The following PCYT1B variants were observed in gnomAD, a reference collection of about 807,000 sequenced individuals.
PCYT1B encodes the protein choline-phosphate cytidylyltransferase B.
A neutral mutation model predicts 26.4 loss-of-function variants in PCYT1B; 10 were observed. The ratio of observed to expected loss-of-function variants is 0.38; its 90% CI spans 0.23 to 0.64. The LOEUF is 0.64. Among genes scored for constraint, PCYT1B ranks in the 30% least tolerant of loss-of-function variants. The pLI is 0.56. For synonymous variants in PCYT1B, 131 were observed against 108.4 expected (o/e 1.21, Z -1.29); for missense variants, 161 against 292.7 (o/e 0.55, Z 3.28).
rs1361998710 is a variant in PCYT1B at position 24,647,130 on chromosome X, C to G, written c.-25G>C. 8.3e-7 allele frequency: 1 copy of G among 1,207,971 alleles called. No individual in the cohort carries two copies. Among genetic ancestry groups the G allele is most frequent in the South Asian group, 1.8e-5 (1 of 56,135 alleles). On this transcript the variant is annotated 5_prime_UTR_variant, in exon 1 of 8. Transcript: ENST00000379144. ...TGGCCAGTGAATGCTCCCTCTAGCT[C>G]TACACCCTCAGAGAGTCTCCTCCCA...
chrX:24,576,349 G>GC (rs1924010439), intron 6 of PCYT1B, among the ~76,000 whole-genome samples: 1 of 111,804 alleles, frequency 8.9e-6, no homozygotes, highest in Non-Finnish European at 1.9e-5. Context: ...TGTTGCCCAG[G>GC]CTGGAGTGCA....
intron 1 of PCYT1B, among the ~76,000 whole-genome samples, chrX:24,670,760 AG>A (rs1927239517): frequency 9.0e-6 from 1 of 111,294 alleles, no homozygotes; most frequent in African/African-American, 3.3e-5. Flanking sequence ...GAAAGTACTT[AG>A]CCCGGGACAT....
chrX:24,662,339 T>C (rs1330905057), intron 1 of PCYT1B, among the ~76,000 whole-genome samples: 4 of 112,186 alleles, frequency 3.6e-5, no homozygotes, highest in African/African-American at 9.7e-5. Flanking sequence ...TTTAGCAATG[T>C]CTGGAGACAG....
At chrX:24,619,144 CCTCT>C in intron 1 of PCYT1B, 60 bp from the exon 2 acceptor site, 2 of 818,501 alleles carry the variant, frequency 2.4e-6, no homozygotes, top group Non-Finnish European at 3.7e-6. Context: ...GCACTAACTT[CCTCT>C]GAAGTTTTAT....
chrX:24,575,541 C>T (rs775599765), intron 6 of PCYT1B, among the ~76,000 whole-genome samples: 2 of 112,536 alleles, frequency 1.8e-5, no homozygotes, highest in African/African-American at 6.4e-5. Flanking sequence ...AAGGGAACTA[C>T]AAGTGGTTTT....
chrX:24,562,730 C>CTT (rs61009568), intron 7 of PCYT1B, among the ~76,000 whole-genome samples: 1 of 90,089 alleles, frequency 1.1e-5, no homozygotes, highest in Non-Finnish European at 2.2e-5. Context: ...CTTTTTTTCT[C>CTT]TTTTTTTTTT....
intron 3 of PCYT1B, among the ~76,000 whole-genome samples, chrX:24,604,893 T>C (rs775774807): frequency 5.6e-4 from 63 of 112,084 alleles, no homozygotes; most frequent in African/African-American, 1.9e-3. Flanking sequence ...ACCCATGTAA[T>C]AGCCATTAAG....
At chrX:24,669,755 T>C (rs1315499309) in intron 1 of PCYT1B, among the ~76,000 whole-genome samples, 2 of 109,044 alleles carry the variant, frequency 1.8e-5, no homozygotes, top group Non-Finnish European at 3.8e-5. Context: ...AAAATGGGAA[T>C]ATAGGCTAGG....
intron 1 of PCYT1B, among the ~76,000 whole-genome samples, chrX:24,654,437 A>G (rs1926857591): frequency 9.8e-6 from 1 of 101,653 alleles, no homozygotes; most frequent in African/African-American, 3.6e-5. Context: ...TTTTCTTCTC[A>G]CTGCCCCAGA....
rs1399010690 is a variant in PCYT1B, at chrX:24,619,045, A to G, written c.157T>C (p.Cys53Arg). Reference protein sequence around the residue: ...APAPFADETNCQCQAPHEKLT... With the variant: ...APAPFADETNRQCQAPHEKLT... ...TTTTCATGGGGTGCTTGACACTGGC[A>G]GTTGGTTTCATCAGCAAATGGGGCA... Residue 53 changes from cysteine to arginine, a missense_variant, in exon 2 of 8, where the codon TGC becomes CGC. Transcript: ENST00000379144. 1 of 1,192,877 alleles carries G rather than the reference A, an allele frequency of 8.4e-7. No homozygotes were observed. Among genetic ancestry groups the G allele is most frequent in the East Asian group, 3.0e-5 (1 of 33,563 alleles).
intron 6 of PCYT1B, among the ~76,000 whole-genome samples, chrX:24,577,836 G>A (rs922899413): frequency 7.2e-5 from 8 of 111,513 alleles, no homozygotes; most frequent in Non-Finnish European, 1.5e-4. Flanking sequence ...CAAAGATATC[G>A]GCACCTCACA....
At chrX:24,599,507 C>T (rs1924892262) in intron 3 of PCYT1B, among the ~76,000 whole-genome samples, 2 of 111,910 alleles carry the variant, frequency 1.8e-5, no homozygotes, top group South Asian at 7.4e-4. Context: ...TCCATAAGTA[C>T]ATCTCCAGGT....
intron 1 of PCYT1B, among the ~76,000 whole-genome samples, chrX:24,639,556 C>T (rs1926399914): frequency 9.0e-6 from 1 of 111,517 alleles, no homozygotes; most frequent in Non-Finnish European, 1.9e-5. Flanking sequence ...CTTCTCCCTA[C>T]CCACAGCCTG....
At chrX:24,567,701 A>G (rs1923678313) in intron 7 of PCYT1B, among the ~76,000 whole-genome samples, 1 of 112,006 alleles carries the variant, frequency 8.9e-6, no homozygotes, top group Non-Finnish European at 1.9e-5. Flanking sequence ...CTGTTATTCC[A>G]GCACTTTAGG....
rs1318599667 is a variant in PCYT1B at position 24,559,208 on chromosome X, T to G, written c.*3085A>C. ...GGCAGGCACCTGTAATCCCAGCTAC[T>G]TGGGAGGCTGAGGCAGAAGAACCCC... On this transcript the variant is annotated 3_prime_UTR_variant, in exon 8 of 8. Coordinates refer to ENST00000379144, the MANE Select transcript of PCYT1B (RefSeq NM_004845.5). 9.2e-6 allele frequency: 1 copy of G among 108,164 alleles called. No homozygotes were observed. Among genetic ancestry groups the G allele is most frequent in the Admixed American group, 9.9e-5 (1 of 10,123 alleles). The allele number at this position is 108,164 out of a possible 1,213,427, so 8.9% of individuals were successfully genotyped here.
intron 5 of PCYT1B, among the ~76,000 whole-genome samples, 153 bp from the exon 6 acceptor site, chrX:24,579,611 C>T (rs770282874): frequency 9.0e-6 from 1 of 111,081 alleles, no homozygotes; most frequent in East Asian, 2.8e-4. Flanking sequence ...CTTCCACCCT[C>T]AGTTCCGTGG....
intron 1 of PCYT1B, among the ~76,000 whole-genome samples, chrX:24,653,910 A>G (rs1335487210): frequency 9.4e-6 from 1 of 106,898 alleles, no homozygotes; most frequent in Non-Finnish European, 1.9e-5. Flanking sequence ...ACACACCACC[A>G]CACCCAGCCA....
At chrX:24,586,955 T>A (rs372580705) in intron 5 of PCYT1B, among the ~76,000 whole-genome samples, 1 of 112,023 alleles carries the variant, frequency 8.9e-6, no homozygotes, top group Non-Finnish European at 1.9e-5. Flanking sequence ...ATTTAAGTAA[T>A]GGGGTCCTGC....
In PCYT1B at chrX:24,562,008, C is replaced by T. The variant is rs752077491; in HGVS notation, c.*285G>A. On this transcript the variant is annotated 3_prime_UTR_variant, in exon 8 of 8. Transcript: ENST00000379144. ...CAGAAGTCACCCCATCAGTGCAAGT[C>T]TCTCTAGGGAACTCTGCATCCTTCC... 4.9e-6 allele frequency: 5 copies of T among 1,020,049 alleles called. No homozygotes were observed. The highest frequency in any genetic ancestry group is 6.9e-6 in the Non-Finnish European group (5 of 727,850). The allele number at this position is 1,020,049 out of a possible 1,213,427, so 84.1% of individuals were successfully genotyped here.
Sources: allele counts gnomAD v4.1 joint callset (sites outside exome capture counted in the v4.1 genomes callset), GRCh38; gene constraint gnomAD v4.1.1; transcripts MANE v1.5; gene names NCBI Gene and HGNC (gene_info 2026-07-23, HGNC 2026-07-21).